Variants in ZZEF1 observed in about 807,000 individuals in gnomAD.
The protein encoded by ZZEF1 is zinc finger ZZ-type and EF-hand domain-containing protein 1.
Under a neutral mutation model 342.8 loss-of-function variants are expected in ZZEF1, and 157 were observed. The ratio of observed to expected loss-of-function variants is 0.46; its 90% CI spans 0.40 to 0.52. The LOEUF (loss-of-function observed/expected upper bound fraction) is 0.52. Ranked by LOEUF, ZZEF1 falls within the 20% of genes least tolerant of loss-of-function variation. The pLI is 0.00. For synonymous variants in ZZEF1, 1,505 were observed against 1,429.1 expected (o/e 1.05, Z -1.20); for missense variants, 3,480 against 3,725.6 (o/e 0.93, Z 1.72).
At chr17:4,141,742 T>G (rs945442694) in intron 1 of ZZEF1, among the ~76,000 whole-genome samples, 1 of 150,592 alleles carries the variant, frequency 6.6e-6, no homozygotes, top group East Asian at 1.9e-4. Context: ...AAGCAAGAGA[T>G]CTAGTTGATA....
At chr17:4,133,977 T>G (rs985285288) in intron 1 of ZZEF1, among the ~76,000 whole-genome samples, 4 of 152,204 alleles carry the variant, frequency 2.6e-5, no homozygotes, top group African/African-American at 9.6e-5. Flanking sequence ...ACTGCTGGAT[T>G]TATCGGCATA....
chr17:4,036,583 T>C (rs576315207), intron 39 of ZZEF1, among the ~76,000 whole-genome samples: 13 of 151,888 alleles, frequency 8.6e-5, no homozygotes, highest in South Asian at 2.1e-4. Context: ...AATACAAAAA[T>C]TAGCCAGGCG....
intron 1 of ZZEF1, 85 bp from the exon 2 acceptor site, chr17:4,124,136 G>C (rs1007178553): frequency 1.5e-5 from 22 of 1,444,198 alleles, no homozygotes; most frequent in Non-Finnish European, 2.7e-6. Flanking sequence ...AAATTCTCGA[G>C]ACCGGTGATT....
intron 12 of ZZEF1, among the ~76,000 whole-genome samples, chr17:4,090,426 T>G (rs985375075): frequency 6.6e-6 from 1 of 151,252 alleles, no homozygotes; most frequent in African/African-American, 2.4e-5. Flanking sequence ...CCACACACTG[T>G]AGCCTGGCTA....
intron 34 of ZZEF1, 147 bp from the exon 35 acceptor site, chr17:4,052,283 G>T: frequency 1.3e-6 from 1 of 747,574 alleles, no homozygotes; most frequent in Non-Finnish European, 2.1e-6. Context: ...TGGAGACAGG[G>T]TGCTCTGCCT....
chr17:4,056,385 C>T, intron 32 of ZZEF1, 40 bp from the exon 33 acceptor site: 3 of 1,536,848 alleles, frequency 2.0e-6, no homozygotes, highest in Non-Finnish European at 2.6e-6. Context: ...ATGCCTCTCC[C>T]AATCACCAAG....
At chr17:4,038,565 G>C (rs1420780769) in intron 39 of ZZEF1, among the ~76,000 whole-genome samples, 1 of 152,188 alleles carries the variant, frequency 6.6e-6, no homozygotes. Context: ...AGCACTTTGG[G>C]AGGCCGAGGT....
intron 34 of ZZEF1, among the ~76,000 whole-genome samples, 185 bp downstream of exon 34, chr17:4,053,872 T>C (rs1400323692): frequency 6.6e-6 from 1 of 152,178 alleles, no homozygotes; most frequent in East Asian, 1.9e-4. Context: ...GCACGACAGA[T>C]ATTAGGGCTG....
At chr17:4,121,045 T>C (rs2058474583) in intron 2 of ZZEF1, among the ~76,000 whole-genome samples, 1 of 152,164 alleles carries the variant, frequency 6.6e-6, no homozygotes, top group South Asian at 2.1e-4. Context: ...ACTGATGAAT[T>C]GGGTGCTGAT....
In ZZEF1 at chr17:4,104,695, T is replaced by G. The variant is rs1199851973; in HGVS notation, c.1511A>C (p.Tyr504Ser). 3.1e-6 allele frequency: 5 copies of G among 1,614,046 alleles called. No individual in the cohort carries two copies. Among genetic ancestry groups the G allele is most frequent in the Non-Finnish European group, 4.2e-6 (5 of 1,180,022 alleles). The change falls in exon 8 of 55, where the codon TAT (tyrosine) becomes TCT (serine). Residue 504 changes from tyrosine to serine, a missense_variant. Around this residue, in one of 5 missense-constraint regions of ZZEF1, gnomAD observed 1,528 missense variants for 1,624.1 expected, o/e 0.94. Coordinates refer to ENST00000381638, the MANE Select transcript of ZZEF1 (RefSeq NM_015113.4). ...GGACAAGATGAGGGATGAGGCATCA[T>G]ACTGCGTGTCCAGATGGTCAGTGAT... Reference protein sequence around the residue: ...CTITDHLDTQYDASSLILSMA... With the variant: ...CTITDHLDTQSDASSLILSMA...
rs7216304 is a variant in ZZEF1, at chr17:4,134,811, G to A, written c.354+7731C>T. 3.9e-5 allele frequency among the ~76,000 whole-genome samples: 6 copies of A among 151,980 alleles called. No individual in the cohort carries two copies. The South Asian group carries it at 8.3e-4, about 21-fold the overall frequency. On this transcript the variant is annotated intron_variant, in intron 1 of 54. Transcript: ENST00000381638. The stretch of plus-strand genomic sequence containing the variant: ...GGATGAGAAGTCCGAGACAGGGAGG[G>A]GCGTTAGGGGAAATGGCCCAGAAAA...
At chr17:4,015,141 C>G (rs555104035) in intron 49 of ZZEF1, among the ~76,000 whole-genome samples, 1 of 152,120 alleles carries the variant, frequency 6.6e-6, no homozygotes, top group East Asian at 1.9e-4. Flanking sequence ...GTGAGGAAAT[C>G]AGAAAGTAGC....
intron 2 of ZZEF1, among the ~76,000 whole-genome samples, chr17:4,123,302 T>TC (rs1295632163): frequency 2.9e-5 from 4 of 139,270 alleles, no homozygotes; most frequent in African/African-American, 1.1e-4. Flanking sequence ...TATATATATA[T>TC]ATATATATCA....
At chr17:4,125,735 C>A (rs1172746820) in intron 1 of ZZEF1, among the ~76,000 whole-genome samples, 1 of 152,124 alleles carries the variant, frequency 6.6e-6, no homozygotes, top group East Asian at 1.9e-4. Flanking sequence ...AGGACAGAAA[C>A]CATGACAGAA....
chr17:4,077,165 G>A (rs188998639), intron 19 of ZZEF1, among the ~76,000 whole-genome samples, 176 bp from the exon 20 acceptor site: 3 of 151,614 alleles, frequency 2.0e-5, no homozygotes, highest in Non-Finnish European at 2.9e-5. Flanking sequence ...GAAGCAGTGC[G>A]AATTTCAGTA....
At chr17:4,118,393 T>C (rs1352620876) in intron 2 of ZZEF1, among the ~76,000 whole-genome samples, 3 of 152,174 alleles carry the variant, frequency 2.0e-5, no homozygotes, top group South Asian at 2.1e-4. Context: ...CTGCAAAAGA[T>C]AGTAGGGCCT....
intron 21 of ZZEF1, 185 bp downstream of exon 21, chr17:4,076,452 G>T: frequency 1.4e-6 from 1 of 696,876 alleles, no homozygotes; most frequent in Non-Finnish European, 2.2e-6. Context: ...CCTTTCTAAT[G>T]CTGACCAGGC....
At position 4,064,300 on chromosome 17, in the gene ZZEF1, A is replaced by T. The variant is rs955289658; in HGVS notation, c.4718+61T>A. 5 of 1,327,024 alleles carry T rather than the reference A, an allele frequency of 3.8e-6. No homozygotes were observed. The East Asian group carries it at 9.3e-5, about 25-fold the overall frequency. 82.2% of individuals were successfully genotyped at this position (1,327,024 alleles called of 1,614,324 possible). ...TTTTAACATGAACTTCAAGCCTCTG[A>T]CTAGACTGGGTACCTACGGCTTAAA... On this transcript the variant is annotated intron_variant, in intron 29 of 54. Transcript: ENST00000381638.
intron 1 of ZZEF1, among the ~76,000 whole-genome samples, 167 bp from the exon 2 acceptor site, chr17:4,124,218 T>C (rs929287917): frequency 2.6e-5 from 4 of 152,222 alleles, no homozygotes; most frequent in African/African-American, 9.6e-5. Context: ...AGGAACTCAC[T>C]GCGCTTTGTA....
Sources: gnomAD v4.1 joint callset for allele counts (sites outside exome capture counted in the v4.1 genomes callset) on GRCh38, gnomAD v4.1.1 for gene constraint, gnomAD v4.1.1 regional missense constraint, MANE v1.5 for transcripts, NCBI Gene and HGNC (gene_info 2026-07-23, HGNC 2026-07-21) for gene names.